Variants in NT5DC3 observed in about 807,000 individuals in gnomAD.
NT5DC3 encodes the protein 5'-nucleotidase domain-containing protein 3.
In NT5DC3, 42 loss-of-function variants were observed where a neutral mutation model predicts 67.8. That is an observed-to-expected ratio of 0.62 (90% CI 0.48 to 0.80). NT5DC3 has a LOEUF of 0.80. NT5DC3 is among the 30% of genes least tolerant of loss of function. The pLI, the probability that NT5DC3 is intolerant of heterozygous loss-of-function variation, is 0.00. For synonymous variants in NT5DC3, 237 were observed against 255.6 expected, an observed-to-expected ratio of 0.93 and a Z score of 0.69; for missense variants, 570 against 696.4, an observed-to-expected ratio of 0.82 and a Z score of 2.04.
chr12:103,758,155 CCTT>C, the NT5DC3 span: 1 of 1,613,930 alleles, frequency 6.2e-7, no homozygotes, highest in East Asian at 2.2e-5. Flanking sequence ...CTGATGACTT[CCTT>C]CTTCTCCCCA....
chr12:103,790,213 T>A (rs1187391802), intron 9 of NT5DC3, among the ~76,000 whole-genome samples: 1 of 152,144 alleles, frequency 6.6e-6, no homozygotes, highest in African/African-American at 2.4e-5. Flanking sequence ...CAGGTGACAC[T>A]CCCACCTCAG....
chr12:103,759,305 G>T, the NT5DC3 span: 1 of 1,606,872 alleles, frequency 6.2e-7, no homozygotes, highest in Non-Finnish European at 8.5e-7. Flanking sequence ...TTGGGGGAAC[G>T]GGAGATAATG....
At chr12:103,815,652 G>A (rs1360403246) in intron 1 of NT5DC3, among the ~76,000 whole-genome samples, 1 of 151,992 alleles carries the variant, frequency 6.6e-6, no homozygotes, top group African/African-American at 2.4e-5. Context: ...AAACTCCTGG[G>A]CTCAAGCAAC....
chr12:103,765,676 G>A (rs558344280), downstream of NT5DC3, among the ~76,000 whole-genome samples: 6 of 152,244 alleles, frequency 3.9e-5, no homozygotes, highest in South Asian at 1.0e-3. Flanking sequence ...TCAGCCTCCC[G>A]AGTAGCTGGG....
the NT5DC3 span, chr12:103,762,222 T>C: frequency 1.2e-5 from 20 of 1,604,566 alleles, no homozygotes; most frequent in Admixed American, 6.9e-5. Context: ...GGTTCCCCTT[T>C]TGGGGAGTCA....
At chr12:103,750,087 T>G in the NT5DC3 span, among the ~76,000 whole-genome samples, 1 of 152,036 alleles carries the variant, frequency 6.6e-6, no homozygotes, top group African/African-American at 2.4e-5. Flanking sequence ...AGAGTTGTTG[T>G]GGGGATTAAA....
At chr12:103,795,641 T>A (rs1299533275) in intron 6 of NT5DC3, among the ~76,000 whole-genome samples, 1 of 152,028 alleles carries the variant, frequency 6.6e-6, no homozygotes, top group African/African-American at 2.4e-5. Flanking sequence ...AATATTTTAA[T>A]GTGTAAATAT....
the NT5DC3 span, among the ~76,000 whole-genome samples, chr12:103,762,683 G>A: frequency 6.6e-6 from 1 of 152,174 alleles, no homozygotes; most frequent in African/African-American, 2.4e-5. Flanking sequence ...GGTTTGGCCT[G>A]GAGGCACATT....
chr12:103,779,497 A>C (rs1354529570), intron 13 of NT5DC3, among the ~76,000 whole-genome samples: 1 of 152,166 alleles, frequency 6.6e-6, no homozygotes, highest in Non-Finnish European at 1.5e-5. Context: ...AGGGAGGAGG[A>C]CAAACTAAAT....
chr12:103,809,393 G>A (rs949217213), intron 2 of NT5DC3, among the ~76,000 whole-genome samples: 1 of 152,174 alleles, frequency 6.6e-6, no homozygotes, highest in African/African-American at 2.4e-5. Context: ...TGTTATTCTT[G>A]GGGAGCCACT....
the NT5DC3 span, chr12:103,749,114 C>G: frequency 6.2e-7 from 1 of 1,611,610 alleles, no homozygotes; most frequent in Non-Finnish European, 8.5e-7. Flanking sequence ...ACGGCCTTAA[C>G]GGAGGGTGTC....
chr12:103,771,734 CA>C (rs923685109), downstream of NT5DC3, among the ~76,000 whole-genome samples: 1 of 152,188 alleles, frequency 6.6e-6, no homozygotes, highest in Non-Finnish European at 1.5e-5. Flanking sequence ...AACTGCATTC[CA>C]CATCGTCGGG....
chr12:103,748,983 G>C, the NT5DC3 span: 2 of 1,613,820 alleles, frequency 1.2e-6, no homozygotes, highest in Non-Finnish European at 1.7e-6. Flanking sequence ...CTGCAAACAG[G>C]ACAACGGGGG....
intron 4 of NT5DC3, among the ~76,000 whole-genome samples, chr12:103,801,508 G>T (rs960466881): frequency 6.8e-6 from 1 of 147,210 alleles, no homozygotes; most frequent in Non-Finnish European, 1.5e-5. Flanking sequence ...TCAGCCTCCC[G>T]AGTAGCTGGG....
rs562567839 is a variant in NT5DC3 at position 103,835,309 on chromosome 12, C to G, written c.208+5640G>C. Reference sequence around the variant, plus strand: ...TCTGGACAAGACAAAGAAGAAAAAGCCTCATGAATGACCCCACATTCTCAG... The same window carrying G: ...TCTGGACAAGACAAAGAAGAAAAAGGCTCATGAATGACCCCACATTCTCAG... On this transcript the variant is annotated intron_variant, in intron 1 of 13. Coordinates refer to ENST00000392876, the MANE Select transcript of NT5DC3 (RefSeq NM_001031701.3). 8.0e-4 allele frequency among the ~76,000 whole-genome samples: 122 copies of G among 152,254 alleles called. 2 individuals are homozygous for G. In the South Asian group the frequency reaches 0.013, roughly 16 times the overall value.
intron 1 of NT5DC3, among the ~76,000 whole-genome samples, chr12:103,835,776 G>A (rs1593446183): frequency 6.6e-6 from 1 of 152,088 alleles, no homozygotes; most frequent in Admixed American, 6.5e-5. Context: ...AATCCTCCTC[G>A]GACTGTCACA....
the NT5DC3 span, among the ~76,000 whole-genome samples, chr12:103,752,521 G>T: frequency 6.6e-6 from 1 of 152,182 alleles, no homozygotes; most frequent in Admixed American, 6.5e-5. Context: ...GTTAGGAAAG[G>T]TATCAGCTAT....
At chr12:103,772,264 G>A (rs917602656), downstream of NT5DC3, 9 of 152,222 alleles carry the variant, frequency 5.9e-5, no homozygotes, top group Admixed American at 2.6e-4. Context: ...ATTTAACGTG[G>A]CAGACTTAAG....
At chr12:103,809,355 T>A (rs974033748) in intron 2 of NT5DC3, among the ~76,000 whole-genome samples, 7 of 152,214 alleles carry the variant, frequency 4.6e-5, no homozygotes, top group African/African-American at 2.4e-5. Context: ...CTCCACACAC[T>A]CACATTCCGC....
Sources: allele counts gnomAD v4.1 joint callset (sites outside exome capture counted in the v4.1 genomes callset), GRCh38; gene constraint gnomAD v4.1.1; transcripts MANE v1.5; gene names NCBI Gene and HGNC (gene_info 2026-07-23, HGNC 2026-07-21).